Variants in AKT3 observed in about 807,000 individuals in gnomAD.
AKT3 encodes the protein RAC-gamma serine/threonine-protein kinase.
Under a neutral mutation model 65.3 loss-of-function variants are expected in AKT3, and 15 were observed. The observed-to-expected ratio is 0.23, with a 90% CI of 0.15 to 0.35. AKT3 has a LOEUF of 0.35. AKT3 is among the 10% of genes least tolerant of loss of function. AKT3 has a pLI of 1.00. For synonymous variants in AKT3, 206 were observed against 183.8 expected (o/e 1.12, Z -0.98); for missense variants, 243 against 576.5 (o/e 0.42, Z 5.92).
intron 2 of AKT3, among the ~76,000 whole-genome samples, chr1:243,769,727 A>G (rs1186757017): frequency 2.0e-5 from 3 of 152,212 alleles, no homozygotes; most frequent in African/African-American, 7.2e-5. Context: ...ATTTTCTCCC[A>G]TACTCTATTC....
chr1:243,572,908 CTTT>C lies in AKT3; in HGVS notation c.819+15_819+17del, dbSNP rs66631932. On this transcript the variant is annotated intron_variant, in intron 9 of 13. Coordinates refer to ENST00000673466, the MANE Select transcript of AKT3 (RefSeq NM_005465.7). ...TCTCTGCAAAAACAAATTTTGATTACTTTTTTTTTTTTTTTACCTTGAGATCAC... is the reference window on the plus strand; with the variant it reads ...TCTCTGCAAAAACAAATTTTGATTACTTTTTTTTTTTTACCTTGAGATCAC... 4,889 of 1,488,174 alleles carry C rather than the reference CTTT, an allele frequency of 3.3e-3. No homozygotes were observed. Among genetic ancestry groups the C allele is most frequent in the South Asian group, 0.01 (800 of 78,886 alleles). The allele number at this position is 1,488,174 out of a possible 1,614,324, so 92.2% of individuals were successfully genotyped here.
chr1:243,847,028 C>A (rs1038129741), intron 1 of AKT3, among the ~76,000 whole-genome samples: 1 of 152,140 alleles, frequency 6.6e-6, no homozygotes, highest in Non-Finnish European at 1.5e-5. Flanking sequence ...AAGATCAGGA[C>A]AAAGTATTTG....
chr1:243,533,473 T>C (rs1574554018), intron 12 of AKT3, among the ~76,000 whole-genome samples: 1 of 152,190 alleles, frequency 6.6e-6, no homozygotes, highest in East Asian at 1.9e-4. Flanking sequence ...GTACTATCTG[T>C]GAAATGAATG....
intron 8 of AKT3, among the ~76,000 whole-genome samples, chr1:243,590,471 A>G (rs1676146571): frequency 2.6e-5 from 4 of 152,214 alleles, no homozygotes; most frequent in Admixed American, 2.6e-4. Context: ...ACTAAACATG[A>G]CAAGATGCAA....
At chr1:243,831,652 G>A (rs1694516237) in intron 2 of AKT3, among the ~76,000 whole-genome samples, 1 of 152,136 alleles carries the variant, frequency 6.6e-6, no homozygotes, top group Non-Finnish European at 1.5e-5. Flanking sequence ...GAAAACACAA[G>A]TTCAAGAGGT....
At chr1:243,839,855 T>C (rs1695132973) in intron 2 of AKT3, among the ~76,000 whole-genome samples, 1 of 147,266 alleles carries the variant, frequency 6.8e-6, no homozygotes, top group African/African-American at 2.5e-5. Context: ...ACGGAGAACA[T>C]GACTCCATCT....
chr1:243,522,211 G>A (rs531901660), intron 12 of AKT3, among the ~76,000 whole-genome samples: 1 of 152,126 alleles, frequency 6.6e-6, no homozygotes, highest in Admixed American at 6.5e-5. Flanking sequence ...TGATTTTATA[G>A]GCTCTGTCCA....
intron 2 of AKT3, among the ~76,000 whole-genome samples, chr1:243,812,289 T>C (rs1025172873): frequency 6.6e-6 from 1 of 152,158 alleles, no homozygotes; most frequent in Non-Finnish European, 1.5e-5. Context: ...AAAGGGTTAA[T>C]ATCCAGAATC....
chr1:243,637,818 G>A, intron 5 of AKT3, 76 bp from the exon 6 acceptor site: 1 of 1,083,616 alleles, frequency 9.2e-7, no homozygotes, highest in South Asian at 2.2e-5. Context: ...ATATGTGTTT[G>A]CAATATCCAC....
intron 2 of AKT3, among the ~76,000 whole-genome samples, chr1:243,821,677 A>T: frequency 6.6e-6 from 1 of 152,152 alleles, no homozygotes; most frequent in East Asian, 1.9e-4. Context: ...AAGATCAAAA[A>T]AGACAAAGAA....
At chr1:243,529,881 G>T (rs1485372874) in intron 12 of AKT3, among the ~76,000 whole-genome samples, 2 of 151,980 alleles carry the variant, frequency 1.3e-5, no homozygotes, top group Non-Finnish European at 2.9e-5. Flanking sequence ...TCTGTAAACT[G>T]CTGTGGGCAG....
intron 2 of AKT3, among the ~76,000 whole-genome samples, chr1:243,803,102 C>T (rs895114496): frequency 6.6e-6 from 1 of 152,110 alleles, no homozygotes; most frequent in South Asian, 2.1e-4. Flanking sequence ...GCGCTATGAT[C>T]GCACTCCAAC....
intron 5 of AKT3, among the ~76,000 whole-genome samples, chr1:243,638,595 T>C (rs1680146504): frequency 1.3e-5 from 2 of 152,172 alleles, no homozygotes; most frequent in Admixed American, 1.3e-4. Flanking sequence ...TACTTTCATA[T>C]TAATAGGTTT....
chr1:243,732,534 C>A (rs1687624838), intron 2 of AKT3, among the ~76,000 whole-genome samples: 1 of 152,184 alleles, frequency 6.6e-6, no homozygotes, highest in Non-Finnish European at 1.5e-5. Flanking sequence ...ATATAACACA[C>A]TGGTTCATTT....
chr1:243,750,269 A>T (rs1688721332), intron 2 of AKT3, among the ~76,000 whole-genome samples: 1 of 152,020 alleles, frequency 6.6e-6, no homozygotes, highest in African/African-American at 2.4e-5. Flanking sequence ...AATAAACCAA[A>T]TTTTATCTTG....
At chr1:243,827,441 A>T (rs1436341069) in intron 2 of AKT3, among the ~76,000 whole-genome samples, 1 of 152,058 alleles carries the variant, frequency 6.6e-6, no homozygotes, top group Non-Finnish European at 1.5e-5. Context: ...CTTTCTTCCC[A>T]ATTTTTGTTA....
At chr1:243,700,290 G>A (rs1039316874) in intron 2 of AKT3, among the ~76,000 whole-genome samples, 10 of 152,052 alleles carry the variant, frequency 6.6e-5, no homozygotes, top group African/African-American at 2.2e-4. Context: ...TTATGAGGGT[G>A]GAAGAAACTG....
At chr1:243,838,107 T>A (rs1404185357) in intron 2 of AKT3, among the ~76,000 whole-genome samples, 1 of 152,186 alleles carries the variant, frequency 6.6e-6, no homozygotes, top group African/African-American at 2.4e-5. Context: ...TACAATTCTA[T>A]AAATAACTTC....
At chr1:243,728,645 C>T (rs907162745) in intron 2 of AKT3, among the ~76,000 whole-genome samples, 6 of 152,148 alleles carry the variant, frequency 3.9e-5, no homozygotes, top group Non-Finnish European at 5.9e-5. Context: ...CATATGCTGT[C>T]AGTTCTTCAC....
Sources: allele counts gnomAD v4.1 joint callset (sites outside exome capture counted in the v4.1 genomes callset), GRCh38; gene constraint gnomAD v4.1.1; transcripts MANE v1.5; gene names NCBI Gene and HGNC (gene_info 2026-07-23, HGNC 2026-07-21).